The following GBE1 variants were observed in gnomAD, a reference collection of about 807,000 sequenced individuals.
The protein encoded by GBE1 is 1,4-alpha-glucan-branching enzyme.
A neutral mutation model predicts 88.8 loss-of-function variants in GBE1; 70 were observed. That is an observed-to-expected ratio of 0.79 (90% CI 0.65 to 0.96). The LOEUF (loss-of-function observed/expected upper bound fraction) is 0.96, where lower values mean the gene tolerates loss of function less well. GBE1 is among the 40% of genes least tolerant of loss of function. The pLI is 0.00. For missense variants in GBE1, 872 were observed against 871.0 expected (o/e 1.00, Z -0.01); for synonymous variants, 284 against 300.1 (o/e 0.95, Z 0.56).
intron 7 of GBE1, among the ~76,000 whole-genome samples, chr3:81,596,607 A>G (rs1306245817): frequency 6.6e-6 from 1 of 151,956 alleles, no homozygotes; most frequent in Non-Finnish European, 1.5e-5. Context: ...TCTGCACAAA[A>G]GCACAACCTT....
chr3:81,747,440 G>A (rs182966664), intron 1 of GBE1, among the ~76,000 whole-genome samples: 3 of 152,226 alleles, frequency 2.0e-5, no homozygotes, highest in South Asian at 4.1e-4. Context: ...CAGCACTTTC[G>A]GAGTCTGAGG....
chr3:81,650,943 T>A (rs1704840946), intron 3 of GBE1, among the ~76,000 whole-genome samples: 1 of 152,230 alleles, frequency 6.6e-6, no homozygotes, highest in South Asian at 2.1e-4. Context: ...CCCAGAGTGC[T>A]GAGATTACAG....
intron 15 of GBE1, among the ~76,000 whole-genome samples, chr3:81,496,840 A>G (rs1342067779): frequency 6.6e-6 from 1 of 152,148 alleles, no homozygotes; most frequent in Non-Finnish European, 1.5e-5. Flanking sequence ...TGATCTTATC[A>G]TCTGGAGCCT....
At chr3:81,737,509 A>G (rs1037483777) in intron 1 of GBE1, among the ~76,000 whole-genome samples, 11 of 149,498 alleles carry the variant, frequency 7.4e-5, no homozygotes, top group Non-Finnish European at 1.2e-4. Flanking sequence ...TGTGCCACAG[A>G]CCACTGCTGA....
chr3:81,597,441 C>T (rs1452929074), intron 7 of GBE1, among the ~76,000 whole-genome samples: 3 of 142,346 alleles, frequency 2.1e-5, no homozygotes, highest in Non-Finnish European at 4.6e-5. Context: ...ATATATATCT[C>T]AAAAATATAT....
intron 10 of GBE1, 62 bp downstream of exon 10, chr3:81,586,025 ATAAAT>A: frequency 1.1e-6 from 1 of 887,874 alleles, no homozygotes; most frequent in Admixed American, 2.4e-5. Flanking sequence ...CAACTAAGAA[ATAAAT>A]TAAAGATAAA....
chr3:81,562,571 T>C (rs1250181657), intron 12 of GBE1, among the ~76,000 whole-genome samples: 3 of 152,010 alleles, frequency 2.0e-5, no homozygotes, highest in Non-Finnish European at 4.4e-5. Flanking sequence ...CTCAGGAGTA[T>C]GACAAAGTTT....
intron 2 of GBE1, among the ~76,000 whole-genome samples, chr3:81,691,397 G>C (rs999153405): frequency 5.9e-5 from 9 of 152,082 alleles, no homozygotes; most frequent in African/African-American, 2.2e-4. Flanking sequence ...AATGTATTTT[G>C]GTTTAATATG....
intron 4 of GBE1, among the ~76,000 whole-genome samples, chr3:81,649,324 T>C (rs965597710): frequency 6.6e-6 from 1 of 152,082 alleles, no homozygotes; most frequent in Non-Finnish European, 1.5e-5. Flanking sequence ...ACTCCAATGA[T>C]TTAAAAGACA....
At chr3:81,498,753 T>C (rs1702547128) in intron 15 of GBE1, among the ~76,000 whole-genome samples, 1 of 152,164 alleles carries the variant, frequency 6.6e-6, no homozygotes, top group East Asian at 1.9e-4. Context: ...ATATAAAATG[T>C]TATGGAGAAA....
chr3:81,574,740 A>G (rs1649949698), intron 12 of GBE1, among the ~76,000 whole-genome samples: 1 of 152,318 alleles, frequency 6.6e-6, no homozygotes, highest in East Asian at 1.9e-4. Flanking sequence ...ATGGACTTAG[A>G]ATGTCTACGT....
intron 7 of GBE1, among the ~76,000 whole-genome samples, chr3:81,620,051 T>C (rs1244125760): frequency 6.6e-6 from 1 of 152,064 alleles, no homozygotes; most frequent in Non-Finnish European, 1.5e-5. Context: ...AAATAAATCA[T>C]AATTTTTATT....
chr3:81,619,273 T>C (rs1262226063), intron 7 of GBE1, among the ~76,000 whole-genome samples: 1 of 152,116 alleles, frequency 6.6e-6, no homozygotes, highest in Non-Finnish European at 1.5e-5. Flanking sequence ...ATGAACTTGA[T>C]CCAAATTTAT....
In GBE1 at chr3:81,585,418, C is replaced by T. The variant is rs187986437; in HGVS notation, c.1335+674G>A. ...ATATATCTGACTCCTTATATATATT[C>T]AGCCCATGAATGTCGACATGGCTGC... On this transcript the variant is annotated intron_variant, in intron 10 of 15. Coordinates refer to ENST00000429644, the MANE Select transcript of GBE1 (RefSeq NM_000158.4). Among the ~76,000 whole-genome samples, 190 of 151,992 alleles carry T rather than the reference C, an allele frequency of 1.3e-3. 5 individuals are homozygous for T. In the East Asian group the frequency reaches 0.031, roughly 24 times the overall value.
intron 7 of GBE1, among the ~76,000 whole-genome samples, chr3:81,602,682 C>T (rs188547340): frequency 6.6e-6 from 1 of 152,202 alleles, no homozygotes; most frequent in Admixed American, 6.6e-5. Flanking sequence ...TTCCAACATA[C>T]AAGTTTCAGA....
rs34707682 is a variant in GBE1 at position 81,629,018 on chromosome 3, GTTT to G, written c.992+13760_992+13762del. Among the ~76,000 whole-genome samples, 429 of 97,984 alleles carry G rather than the reference GTTT, an allele frequency of 4.4e-3. 5 individuals carry two copies. Among genetic ancestry groups the G allele is most frequent in the Middle Eastern group, 0.033 (4 of 122 alleles). The allele number at this position is 97,984 out of a possible 152,430, so 64.3% of individuals were successfully genotyped here. On this transcript the variant is annotated intron_variant, in intron 7 of 15. Coordinates refer to ENST00000429644, the MANE Select transcript of GBE1 (RefSeq NM_000158.4). ...AATAATTAGTGACTATTATGTTTAA[GTTT>G]TTTTTTTTTTTTTTTTTTTATTATA...
chr3:81,491,317 T>C (rs1334057285), intron 15 of GBE1, among the ~76,000 whole-genome samples: 1 of 152,204 alleles, frequency 6.6e-6, no homozygotes, highest in Non-Finnish European at 1.5e-5. Flanking sequence ...GAATGATTTT[T>C]CAGGTTTACC....
chr3:81,649,827 C>T lies in GBE1; in HGVS notation c.524G>A (p.Trp175Ter). 1 of 1,610,726 alleles carries T rather than the reference C, an allele frequency of 6.2e-7. No homozygotes were observed. Among genetic ancestry groups the T allele is most frequent in the Non-Finnish European group, 8.5e-7 (1 of 1,177,796 alleles). ...TGAGTGTTCTGGATCCCAGTGTATC[C>T]AATCATAATTCACATTATCACCTTC... is the stretch of plus-strand genomic sequence containing the variant. ...VREGDNVNYD[W>*]IHWDPEHSYE... is the part of the protein sequence containing the mutation. The change falls in exon 4 of 16, where the codon TGG becomes TAG. Residue 175 changes from tryptophan (W) to a stop codon, truncating the protein, a stop_gained. Coordinates refer to ENST00000429644, the MANE Select transcript of GBE1 (RefSeq NM_000158.4). LOFTEE classifies it high-confidence loss of function.
intron 14 of GBE1, among the ~76,000 whole-genome samples, chr3:81,501,996 C>CTT (rs35174865): frequency 2.9e-5 from 4 of 137,708 alleles, no homozygotes; most frequent in Non-Finnish European, 4.8e-5. Context: ...GCCTGGAATG[C>CTT]TTTTTTTTTT....
Sources: allele counts gnomAD v4.1 joint callset (sites outside exome capture counted in the v4.1 genomes callset), GRCh38; gene constraint gnomAD v4.1.1; transcripts MANE v1.5; gene names NCBI Gene and HGNC (gene_info 2026-07-23, HGNC 2026-07-21).